CD247: variants seen among roughly 807,000 people sequenced by gnomAD.
The protein encoded by CD247 is T-cell surface glycoprotein CD3 zeta chain.
In CD247, 13 loss-of-function variants were observed where a neutral mutation model predicts 30.0. That is an observed-to-expected ratio of 0.43 (90% CI 0.28 to 0.69). The LOEUF (loss-of-function observed/expected upper bound fraction) is 0.69. Among genes scored for constraint, CD247 ranks in the 30% least tolerant of loss-of-function variants. CD247 has a pLI of 0.16. For synonymous variants in CD247, 72 were observed against 80.0 expected, an observed-to-expected ratio of 0.90 and a Z score of 0.53; for missense variants, 193 against 212.6, an observed-to-expected ratio of 0.91 and a Z score of 0.57.
rs1308526419 is a variant in CD247 at position 167,494,510 on chromosome 1, C to T, written c.58+23898G>A. Among the ~76,000 whole-genome samples, 1 of 152,064 alleles carries T rather than the reference C, an allele frequency of 6.6e-6. No homozygotes were observed. The highest frequency in any genetic ancestry group is 2.4e-5 in the African/African-American group (1 of 41,390). On this transcript the variant is annotated intron_variant, in intron 1 of 7. Coordinates refer to ENST00000362089, the MANE Select transcript of CD247 (RefSeq NM_198053.3). This position sits in a 1 kb window ranked among gnomAD's most constrained non-coding sequence, Gnocchi z 7.3. The stretch of plus-strand genomic sequence containing the variant: ...CTGTGATATGGGGATAATGTCCTCA[C>T]CCTGTCGACCTCATGGGGCTGCTGT...
intron 1 of CD247, among the ~76,000 whole-genome samples, chr1:167,492,358 A>G (rs1433191604): frequency 1.1e-4 from 16 of 152,168 alleles, no homozygotes; most frequent in Admixed American, 9.8e-4. Flanking sequence ...TGCGGCGCCA[A>G]CTAGACCAGG....
chr1:167,445,466 G>A (rs915042199), intron 1 of CD247, among the ~76,000 whole-genome samples: 2 of 152,046 alleles, frequency 1.3e-5, no homozygotes, highest in Admixed American at 6.5e-5. Flanking sequence ...CTAGGCATAC[G>A]GGTCATTGTA....
intron 1 of CD247, among the ~76,000 whole-genome samples, chr1:167,458,048 C>A (rs1434691214): frequency 6.6e-6 from 1 of 152,220 alleles, no homozygotes; most frequent in Non-Finnish European, 1.5e-5. Context: ...GGAGCCTACA[C>A]CAGTGCTATC....
intron 1 of CD247, among the ~76,000 whole-genome samples, chr1:167,511,241 T>C (rs1385020426): frequency 6.6e-6 from 1 of 152,184 alleles, no homozygotes. Flanking sequence ...CATAAAACCT[T>C]TCACACCATA....
chr1:167,478,574 G>A (rs1653848610), intron 1 of CD247, among the ~76,000 whole-genome samples: 1 of 152,158 alleles, frequency 6.6e-6, no homozygotes. Context: ...CAATTGGAGA[G>A]GCAGTAGTGT....
chr1:167,478,084 TC>T (rs1558017006), intron 1 of CD247, among the ~76,000 whole-genome samples: 5 of 152,164 alleles, frequency 3.3e-5, no homozygotes, highest in African/African-American at 1.2e-4. Flanking sequence ...AGGCAAAGAA[TC>T]AAAAGGCCAG....
At chr1:167,448,432 G>A (rs1652193255) in intron 1 of CD247, 1 of 985,370 alleles carries the variant, frequency 1.0e-6, no homozygotes. Context: ...CATTATAGCA[G>A]GTCATATTCT....
intron 1 of CD247, among the ~76,000 whole-genome samples, chr1:167,503,032 G>C (rs1014306708): frequency 6.6e-6 from 1 of 152,198 alleles, no homozygotes; most frequent in Non-Finnish European, 1.5e-5. Context: ...AAGAACATGG[G>C]AAGTGAGGCA....
intron 4 of CD247, 132 bp from the exon 5 acceptor site, chr1:167,435,566 C>A: frequency 1.3e-6 from 1 of 765,798 alleles, no homozygotes; most frequent in Non-Finnish European, 2.3e-6. Flanking sequence ...CCTCCCTGTG[C>A]TACCCCAGCC....
Position 167,506,221 on chromosome 1 carries a change from TTTTCTTTTCTTTTCTTTTCTTTTC to T in CD247, c.58+12163_58+12186del, listed in dbSNP as rs1244142111. Among the ~76,000 whole-genome samples the T allele has an allele frequency of 1.0e-4, 6 of 59,558 alleles. No individual in the cohort carries two copies. In the East Asian group the frequency reaches 3.3e-3, roughly 32 times the overall value. 39.1% of individuals were successfully genotyped at this position (59,558 alleles called of 152,430 possible). A position where few individuals can be genotyped will look rare whatever the true frequency, so the allele number is the denominator to read the frequency against. On this transcript the variant is annotated intron_variant, in intron 1 of 7. Coordinates refer to ENST00000362089, the MANE Select transcript of CD247 (RefSeq NM_198053.3). Reference sequence around the variant, plus strand: ...TTCCCAGAGAGACGCCATCTTTCTTTTTTCTTTTCTTTTCTTTTCTTTTCCTTTTCTTTTCTTTTCTTTTCTTTT... The same window carrying T: ...TTCCCAGAGAGACGCCATCTTTCTTTCTTTTCTTTTCTTTTCTTTTCTTTT...
In CD247 at chr1:167,431,256, C is replaced by T. The variant is rs1651251873; in HGVS notation, c.*425G>A. The T allele has an allele frequency of 2.0e-6, 1 of 511,918 alleles. No homozygotes were observed. The highest frequency in any genetic ancestry group is 3.4e-6 in the Non-Finnish European group (1 of 292,616). 31.7% of individuals were successfully genotyped at this position (511,918 alleles called of 1,614,324 possible). ...AAGGAGGTGAAGGTGACAACAGAAG[C>T]CAAATTTACAGCAGGAGTGAAGCCA... On this transcript the variant is annotated 3_prime_UTR_variant, in exon 8 of 8. Transcript: ENST00000362089.
chr1:167,504,856 G>A (rs1289122128), intron 1 of CD247, among the ~76,000 whole-genome samples: 6 of 152,286 alleles, frequency 3.9e-5, no homozygotes, highest in South Asian at 2.1e-4. Flanking sequence ...GATCTCATCC[G>A]TTGGTGAACA....
At chr1:167,471,831 C>CTTTTTTTTT (rs111891678) in intron 1 of CD247, among the ~76,000 whole-genome samples, 17 of 117,188 alleles carry the variant, frequency 1.5e-4, no homozygotes, top group Admixed American at 3.0e-4. Flanking sequence ...CTGTTTCTTT[C>CTTTTTTTTT]TTTTTTTTTT....
rs1230560277 is a variant in CD247 at position 167,509,009 on chromosome 1, G to A, written c.58+9399C>T. Among the ~76,000 whole-genome samples the A allele has an allele frequency of 4.6e-5, 7 of 152,132 alleles. No individual in the cohort carries two copies. In the East Asian group the frequency reaches 1.3e-3, roughly 29 times the overall value. On this transcript the variant is annotated intron_variant, in intron 1 of 7. Coordinates refer to ENST00000362089, the MANE Select transcript of CD247 (RefSeq NM_198053.3). ...GTTTGATTTGGGGCACATGAGAGGT[G>A]CTTGGTAAATATTTACTCAATTGGT...
At chr1:167,474,007 G>A (rs146379992) in intron 1 of CD247, among the ~76,000 whole-genome samples, 1 of 151,952 alleles carries the variant, frequency 6.6e-6, no homozygotes, top group African/African-American at 2.4e-5. Flanking sequence ...TCTCTGGAGG[G>A]CTCTGCCTGC....
chr1:167,489,534 T>G (rs1364646782), intron 1 of CD247, among the ~76,000 whole-genome samples: 1 of 152,200 alleles, frequency 6.6e-6, no homozygotes, highest in Non-Finnish European at 1.5e-5. Context: ...AGCAAAATAC[T>G]GTTGTTCACC....
intron 1 of CD247, among the ~76,000 whole-genome samples, chr1:167,449,156 T>TTTTTTTCTTTTTTTC (rs1558000525): frequency 1.5e-4 from 17 of 113,578 alleles, no homozygotes; most frequent in Middle Eastern, 4.7e-3. Context: ...TTTCTTTTTT[T>TTTTTTTCTTTTTTTC]TTTTTTTTTT....
chr1:167,489,935 C>G (rs1426943206), intron 1 of CD247, among the ~76,000 whole-genome samples: 3 of 152,224 alleles, frequency 2.0e-5, no homozygotes, highest in Non-Finnish European at 4.4e-5. Context: ...GCCGAGGTTT[C>G]TGGGCAGCCA....
At chr1:167,510,506 G>A (rs1011456002) in intron 1 of CD247, among the ~76,000 whole-genome samples, 2 of 152,174 alleles carry the variant, frequency 1.3e-5, no homozygotes, top group Admixed American at 6.5e-5. Context: ...CCTTCTCCCT[G>A]CAGCAGGCAG....
Sources: allele counts gnomAD v4.1 joint callset (sites outside exome capture counted in the v4.1 genomes callset), GRCh38; gene constraint gnomAD v4.1.1; non-coding constraint Gnocchi (gnomAD v3.1); transcripts MANE v1.5; gene names NCBI Gene and HGNC (gene_info 2026-07-23, HGNC 2026-07-21).